Variants in STRN3 observed in about 807,000 individuals in gnomAD.
STRN3 encodes the protein striatin-3.
Under a neutral mutation model 95.6 loss-of-function variants are expected in STRN3, and 29 were observed. The ratio of observed to expected loss-of-function variants is 0.30; its 90% CI spans 0.23 to 0.41. STRN3 has a LOEUF of 0.41. STRN3 is among the 10% of genes least tolerant of loss of function. STRN3 has a pLI of 1.00. For missense variants in STRN3, 890 were observed against 972.1 expected (o/e 0.92, Z 1.12); for synonymous variants, 331 against 357.6 (o/e 0.93, Z 0.84).
chr14:31,025,869 G>A, intron 1 of STRN3, 35 bp downstream of exon 1: 3 of 1,581,600 alleles, frequency 1.9e-6, no homozygotes, highest in South Asian at 1.1e-5. Context: ...GAACCCAGCC[G>A]CCGCAGCTCC....
chr14:30,916,822 GGTC>G (rs1396965396), intron 9 of STRN3, among the ~76,000 whole-genome samples: 5 of 152,064 alleles, frequency 3.3e-5, no homozygotes, highest in African/African-American at 1.2e-4. Flanking sequence ...TAAAATACAA[GGTC>G]TTTTTCAGAC....
At chr14:30,909,394 A>AAGAGGATGGCTTGG (rs1555315078) in intron 13 of STRN3, among the ~76,000 whole-genome samples, 10 of 152,178 alleles carry the variant, frequency 6.6e-5, no homozygotes. Flanking sequence ...CCAGCTCCTC[A>AAGAGGATGGCTTGG]GCCTGGGAGG....
intron 1 of STRN3, among the ~76,000 whole-genome samples, chr14:31,004,285 C>G (rs976494154): frequency 5.3e-5 from 8 of 151,166 alleles, no homozygotes; most frequent in African/African-American, 1.9e-4. Context: ...GGGTGCAACC[C>G]TGCCTAAAAA....
At chr14:30,993,320 G>T (rs1175593299) in intron 1 of STRN3, among the ~76,000 whole-genome samples, 1 of 151,176 alleles carries the variant, frequency 6.6e-6, no homozygotes, top group Non-Finnish European at 1.5e-5. Context: ...GTAAGTACTG[G>T]ATTTACCAAG....
At chr14:30,980,661 A>C (rs547221170) in intron 1 of STRN3, among the ~76,000 whole-genome samples, 19 of 152,134 alleles carry the variant, frequency 1.2e-4, no homozygotes, top group Non-Finnish European at 2.8e-4. Context: ...TCGGCCTCCC[A>C]AAGTGCTGGG....
rs1252031901 is a variant in STRN3 at position 30,918,968 on chromosome 14, T to TC, written c.1237dup (p.Glu413GlyfsTer3). Reference sequence around the variant, plus strand: ...AACATGGTAGCTAAATTTTGTACCTTCCTCTGCTCTTGCACCTTCATGATC... The same window carrying TC: ...AACATGGTAGCTAAATTTTGTACCTTCCCTCTGCTCTTGCACCTTCATGATC... On this transcript the variant is annotated frameshift_variant, in exon 9 of 18. Transcript: ENST00000357479. LOFTEE classifies it high-confidence loss of function. 1.3e-6 allele frequency: 2 copies of TC among 1,569,640 alleles called. No homozygotes were observed. Among genetic ancestry groups the TC allele is most frequent in the African/African-American group, 2.7e-5 (2 of 73,166 alleles).
chr14:30,956,348 T>C (rs1879903530), intron 1 of STRN3, 106 bp from the exon 2 acceptor site: 1 of 1,059,378 alleles, frequency 9.4e-7, no homozygotes, highest in Non-Finnish European at 1.4e-6. Flanking sequence ...ACTCATGATA[T>C]CAAGATTTTA....
At position 30,972,136 on chromosome 14, in the gene STRN3, G is replaced by A. The variant is rs192312083; in HGVS notation, c.283-15894C>T. Among the ~76,000 whole-genome samples, 66 of 152,158 alleles carry A rather than the reference G, an allele frequency of 4.3e-4. No individual in the cohort carries two copies. In the Middle Eastern group the frequency reaches 0.01, roughly 24 times the overall value. ...TCTACTTTTAAACTTAAACTTCCTCGTAAAGCAATCTTTTTCGATTATCTA... is the reference window on the plus strand; with the variant it reads ...TCTACTTTTAAACTTAAACTTCCTCATAAAGCAATCTTTTTCGATTATCTA... On this transcript the variant is annotated intron_variant, in intron 1 of 17. Transcript: ENST00000357479.
At chr14:31,014,552 T>C in intron 1 of STRN3, 1 of 373,184 alleles carries the variant, frequency 2.7e-6, no homozygotes. Flanking sequence ...AATTTTTACG[T>C]CTGTTTATAA....
intron 1 of STRN3, among the ~76,000 whole-genome samples, chr14:30,980,082 T>C (rs1054711959): frequency 3.3e-5 from 5 of 151,710 alleles, no homozygotes; most frequent in South Asian, 2.1e-4. Flanking sequence ...ATCACATCTC[T>C]ACTAAAAATA....
chr14:31,019,517 T>G (rs529501228), intron 1 of STRN3, among the ~76,000 whole-genome samples: 44 of 152,274 alleles, frequency 2.9e-4, no homozygotes, highest in African/African-American at 9.6e-4. Context: ...CAATTGTCTT[T>G]ATGATAAAAA....
intron 15 of STRN3, 49 bp downstream of exon 15, chr14:30,905,369 T>C: frequency 6.6e-7 from 1 of 1,505,302 alleles, no homozygotes; most frequent in Non-Finnish European, 8.8e-7. Flanking sequence ...CACCCTCTAT[T>C]GTGTAATAAC....
chr14:30,908,833 T>C (rs570279985), intron 13 of STRN3, among the ~76,000 whole-genome samples: 5 of 152,332 alleles, frequency 3.3e-5, no homozygotes, highest in East Asian at 1.9e-4. Context: ...TCCCCCAGTA[T>C]TGCCCATTCT....
At chr14:30,972,082 A>T (rs769403925) in intron 1 of STRN3, among the ~76,000 whole-genome samples, 3 of 152,216 alleles carry the variant, frequency 2.0e-5, no homozygotes, top group Non-Finnish European at 2.9e-5. Flanking sequence ...CTTTTCAAAG[A>T]ATATGTCAGT....
intron 1 of STRN3, among the ~76,000 whole-genome samples, chr14:31,023,128 T>C (rs1199113697): frequency 6.6e-6 from 1 of 152,186 alleles, no homozygotes; most frequent in African/African-American, 2.4e-5. Flanking sequence ...TTTTTCTCTT[T>C]AACAGGCACT....
chr14:30,937,749 T>C (rs917563228), intron 5 of STRN3, among the ~76,000 whole-genome samples: 5 of 152,176 alleles, frequency 3.3e-5, no homozygotes, highest in African/African-American at 9.7e-5. Context: ...GGGGCTGAAT[T>C]AGATTATCTC....
Position 30,911,818 on chromosome 14 carries a change from G to C in STRN3, c.1557C>G (p.Ala519=), listed in dbSNP as rs1463446712. The change falls in exon 12 of 18, where the codon GCC becomes GCG. Residue 519 remains alanine (A), a synonymous_variant. Coordinates refer to ENST00000357479, the MANE Select transcript of STRN3 (RefSeq NM_001083893.2). ...LQKTVPAKKS[A]SLDVEPIYTF... Reference sequence around the variant, plus strand: ...TGTAGATAGGCTCTACATCTAAAGAGGCACTCCTAAAAGAGGGGGAAAAAG... The same window carrying C: ...TGTAGATAGGCTCTACATCTAAAGACGCACTCCTAAAAGAGGGGGAAAAAG... The C allele has an allele frequency of 1.9e-6, 3 of 1,605,382 alleles. No individual in the cohort carries two copies. The Admixed American group carries it at 5.1e-5, about 28-fold the overall frequency.
At chr14:30,933,306 C>A (rs1194673051) in intron 7 of STRN3, among the ~76,000 whole-genome samples, 85 of 39,298 alleles carry the variant, frequency 2.2e-3, no homozygotes, top group East Asian at 7.4e-3. Context: ...AAAAAAAAAA[C>A]GATGCAGAAG....
intron 1 of STRN3, among the ~76,000 whole-genome samples, chr14:30,961,653 T>C (rs1880213309): frequency 6.6e-6 from 1 of 152,216 alleles, no homozygotes; most frequent in Admixed American, 6.5e-5. Flanking sequence ...TACATTTTTG[T>C]TTTGAGACAC....
Sources: allele counts gnomAD v4.1 joint callset (sites outside exome capture counted in the v4.1 genomes callset), GRCh38; gene constraint gnomAD v4.1.1; transcripts MANE v1.5; gene names NCBI Gene and HGNC (gene_info 2026-07-23, HGNC 2026-07-21).